MTBP: variants seen among roughly 807,000 people sequenced by gnomAD.
MTBP encodes MDM2 binding protein.
MTBP carries 101 observed loss-of-function variants against 117.0 expected under a neutral mutation model. The ratio of observed to expected loss-of-function variants is 0.86; its 90% CI spans 0.73 to 1.02. MTBP has a LOEUF of 1.02. MTBP is among the 50% of genes least tolerant of loss of function. MTBP has a pLI of 0.00. For synonymous variants in MTBP, 350 were observed against 351.5 expected, an observed-to-expected ratio of 1.00 and a Z score of 0.05; for missense variants, 970 against 1,030.9, an observed-to-expected ratio of 0.94 and a Z score of 0.81.
At chr8:120,487,523 C>T (rs1328057537) in intron 11 of MTBP, among the ~76,000 whole-genome samples, 1 of 152,064 alleles carries the variant, frequency 6.6e-6, no homozygotes, top group Non-Finnish European at 1.5e-5. Context: ...TGTTTATGTC[C>T]AACTCACCAT....
intron 1 of MTBP, 49 bp from the exon 2 acceptor site, chr8:120,446,384 A>C (rs763666888): frequency 6.1e-6 from 7 of 1,139,236 alleles, no homozygotes; most frequent in Non-Finnish European, 8.0e-6. Flanking sequence ...ACTAAGTTAG[A>C]TTATGTAAAT....
At chr8:120,459,981 C>A (rs372207723) in intron 8 of MTBP, among the ~76,000 whole-genome samples, 75 of 151,904 alleles carry the variant, frequency 4.9e-4, no homozygotes, top group African/African-American at 1.8e-3. Context: ...GGAAAAATAA[C>A]CTAAGAAGAG....
Position 120,470,144 on chromosome 8 carries a change from TAAACTGAG to T in MTBP, c.1048-673_1048-666del, listed in dbSNP as rs1370561093. 2.6e-5 allele frequency among the ~76,000 whole-genome samples: 4 copies of T among 152,322 alleles called. No individual in the cohort carries two copies. The East Asian group carries it at 7.7e-4, about 29-fold the overall frequency. On this transcript the variant is annotated intron_variant, in intron 10 of 21. Transcript: ENST00000305949. Reference sequence around the variant, plus strand: ...GTGGTTTGTTTTATTCAGCCCTTAATAAACTGAGAATTTACCTAAATAGATTATGGTGA... The same window carrying T: ...GTGGTTTGTTTTATTCAGCCCTTAATAATTTACCTAAATAGATTATGGTGA...
At chr8:120,455,697 C>T (rs2130517807) in intron 6 of MTBP, 118 bp downstream of exon 6, 5 of 930,176 alleles carry the variant, frequency 5.4e-6, no homozygotes, top group African/African-American at 1.7e-5. Context: ...ACATAAAATT[C>T]TATGTTATAC....
chr8:120,491,903 G>T (rs1270824657), intron 13 of MTBP, among the ~76,000 whole-genome samples: 1 of 152,200 alleles, frequency 6.6e-6, no homozygotes, highest in African/African-American at 2.4e-5. Flanking sequence ...CTGGTTGTGT[G>T]GGAAGGGAAA....
intron 2 of MTBP, among the ~76,000 whole-genome samples, chr8:120,446,839 A>G (rs1269819365): frequency 6.6e-6 from 1 of 152,160 alleles, no homozygotes; most frequent in Non-Finnish European, 1.5e-5. Context: ...AAAAATATGT[A>G]AAGCTCCCAC....
At chr8:120,509,374 G>T (rs530350835) in intron 16 of MTBP, among the ~76,000 whole-genome samples, 11 of 152,258 alleles carry the variant, frequency 7.2e-5, no homozygotes, top group African/African-American at 2.4e-4. Context: ...GGCTGAGGCC[G>T]GCGGATCACT....
intron 9 of MTBP, among the ~76,000 whole-genome samples, chr8:120,463,228 T>C (rs966801864): frequency 1.3e-5 from 2 of 152,198 alleles, no homozygotes; most frequent in African/African-American, 4.8e-5. Context: ...TCAGCTGATG[T>C]ATCATTTTAT....
chr8:120,449,672 A>G (rs975194965), intron 2 of MTBP, among the ~76,000 whole-genome samples: 6 of 152,192 alleles, frequency 3.9e-5, no homozygotes, highest in Non-Finnish European at 7.4e-5. Flanking sequence ...TATTTAGAAG[A>G]ACTGAACACC....
intron 17 of MTBP, 59 bp from the exon 18 acceptor site, chr8:120,515,866 G>A (rs749940840): frequency 3.2e-4 from 468 of 1,457,734 alleles, no homozygotes; most frequent in Non-Finnish European, 4.0e-4. Context: ...CTCATTGAAA[G>A]GGGAAAGTCT....
chr8:120,478,672 AATGACTGATAAAATGTTTTGAAATGAT>A (rs1467765075), intron 11 of MTBP, among the ~76,000 whole-genome samples: 1 of 152,242 alleles, frequency 6.6e-6, no homozygotes, highest in African/African-American at 2.4e-5. Flanking sequence ...GGGACTAGAT[AATGACTGATAAAATGTTTTGAAATGAT>A]GAAGCATGTG....
chr8:120,507,877 C>T (rs1285366499), intron 16 of MTBP, among the ~76,000 whole-genome samples: 1 of 152,070 alleles, frequency 6.6e-6, no homozygotes, highest in East Asian at 1.9e-4. Context: ...TACATGTTTT[C>T]ATCTATTTAG....
At chr8:120,477,815 T>C (rs770432281) in intron 11 of MTBP, among the ~76,000 whole-genome samples, 3 of 152,238 alleles carry the variant, frequency 2.0e-5, no homozygotes, top group Non-Finnish European at 4.4e-5. Flanking sequence ...GGAGTGTCAA[T>C]TAGTTCAACC....
Position 120,523,379 on chromosome 8 carries a change from C to G in MTBP, c.*43C>G, listed in dbSNP as rs772777882. 6 of 1,157,006 alleles carry G rather than the reference C, an allele frequency of 5.2e-6. No individual in the cohort carries two copies. Among genetic ancestry groups the G allele is most frequent in the South Asian group, 5.0e-5 (3 of 59,952 alleles). 71.7% of individuals were successfully genotyped at this position (1,157,006 alleles called of 1,614,324 possible). A position where few individuals can be genotyped will look rare whatever the true frequency, so the allele number is the denominator to read the frequency against. ...TAAGACAATTATAAATTGGATGGAG[C>G]TATTATTCACTACTTCTTTTCTTAG... On this transcript the variant is annotated 3_prime_UTR_variant, in exon 22 of 22. Transcript: ENST00000305949.
rs113015283 is a variant in MTBP at position 120,455,493 on chromosome 8, A to G, written c.543A>G (p.Lys181=). ...LLSDKDPPKL[K]DYLPTVGALK... The stretch of plus-strand genomic sequence containing the variant: ...CTGACAAAGATCCTCCTAAATTGAA[A>G]GACTATTTACCTACTGTAGGAGCAT... Residue 181 remains lysine, a synonymous_variant, in exon 6 of 22, where the codon AAA becomes AAG. Transcript: ENST00000305949. The G allele has an allele frequency of 6.2e-7, 1 of 1,606,734 alleles. No individual in the cohort carries two copies. Among genetic ancestry groups the G allele is most frequent in the Non-Finnish European group, 8.5e-7 (1 of 1,174,430 alleles).
intron 17 of MTBP, among the ~76,000 whole-genome samples, chr8:120,513,462 CCT>C (rs781554023): frequency 6.6e-6 from 1 of 151,972 alleles, no homozygotes; most frequent in Non-Finnish European, 1.5e-5. Context: ...CTGCCCCTTG[CCT>C]CTCTGTTTCT....
At chr8:120,517,685 A>G in intron 18 of MTBP, among the ~76,000 whole-genome samples, 166 bp from the exon 19 acceptor site, 1 of 151,780 alleles carries the variant, frequency 6.6e-6, no homozygotes, top group East Asian at 1.9e-4. Flanking sequence ...ATTATCTATT[A>G]TGTAATAACA....
At chr8:120,474,938 G>T (rs1409694200) in intron 11 of MTBP, among the ~76,000 whole-genome samples, 1 of 152,030 alleles carries the variant, frequency 6.6e-6, no homozygotes, top group Non-Finnish European at 1.5e-5. Context: ...ACAAGTTTGT[G>T]TGTATTTAGC....
At chr8:120,507,188 TTC>T (rs1447104428) in intron 16 of MTBP, among the ~76,000 whole-genome samples, 1 of 152,138 alleles carries the variant, frequency 6.6e-6, no homozygotes, top group Non-Finnish European at 1.5e-5. Flanking sequence ...TTTTTTTTAG[TTC>T]TCTTTTCTGT....
Sources: allele counts gnomAD v4.1 joint callset (sites outside exome capture counted in the v4.1 genomes callset), GRCh38; gene constraint gnomAD v4.1.1; transcripts MANE v1.5; gene names NCBI Gene and HGNC (gene_info 2026-07-23, HGNC 2026-07-21).